CSMD1: variants seen among roughly 807,000 people sequenced by gnomAD.
CSMD1 encodes the protein CUB and Sushi multiple domains 1.
In CSMD1, 213 loss-of-function variants were observed where a neutral mutation model predicts 417.5. The observed-to-expected ratio is 0.51, with a 90% CI of 0.46 to 0.57. The LOEUF is 0.57. CSMD1 is among the 20% of genes least tolerant of loss of function. The pLI, the probability that CSMD1 is intolerant of heterozygous loss-of-function variation, is 0.00. For missense variants in CSMD1, 6,923 were observed against 4,529.7 expected (o/e 1.53, Z -15.17); for synonymous variants, 2,862 against 1,736.8 (o/e 1.65, Z -16.11).
chr8:3,144,575 G>C (rs1818719748), intron 40 of CSMD1, among the ~76,000 whole-genome samples: 1 of 152,000 alleles, frequency 6.6e-6, no homozygotes. Context: ...GACCTGTGAT[G>C]GTCTTGGCCA....
At chr8:4,225,570 C>T (rs1273336454) in intron 3 of CSMD1, among the ~76,000 whole-genome samples, 1 of 150,448 alleles carries the variant, frequency 6.6e-6, no homozygotes, top group African/African-American at 2.5e-5. Flanking sequence ...CTGTTAAGAG[C>T]CTAAATACAT....
chr8:4,488,125 C>G (rs1801506524), intron 2 of CSMD1, among the ~76,000 whole-genome samples: 3 of 152,126 alleles, frequency 2.0e-5, no homozygotes, highest in Admixed American at 2.0e-4. Flanking sequence ...CAGGGTCTCC[C>G]CAGACATCGA....
At chr8:3,751,431 TAC>T (rs890204352) in intron 6 of CSMD1, among the ~76,000 whole-genome samples, 30 of 148,014 alleles carry the variant, frequency 2.0e-4, no homozygotes, top group African/African-American at 6.4e-4. Flanking sequence ...TATAACTACA[TAC>T]AGTTTATACA....
rs370065890 is a variant in CSMD1 at position 4,825,490 on chromosome 8, A to T, written c.85+168842T>A. On this transcript the variant is annotated intron_variant, in intron 1 of 69. Coordinates refer to ENST00000635120, the MANE Select transcript of CSMD1 (RefSeq NM_033225.6). ...ATTGAAACTTTATACCTCTTGAAAG[A>T]TCGCCCGATTTTTCCTTCCCCTGGC... Among the ~76,000 whole-genome samples the T allele has an allele frequency of 2.2e-4, 33 of 152,188 alleles. 1 individual carries two copies. In the South Asian group the frequency reaches 3.7e-3, roughly 17 times the overall value.
chr8:3,058,749 T>C (rs1812400481), intron 49 of CSMD1, among the ~76,000 whole-genome samples: 1 of 151,754 alleles, frequency 6.6e-6, no homozygotes, highest in African/African-American at 2.4e-5. Context: ...GAGCAAGGAT[T>C]TAGACTATCC....
At chr8:4,661,393 G>A (rs1292015172) in intron 1 of CSMD1, among the ~76,000 whole-genome samples, 2 of 152,130 alleles carry the variant, frequency 1.3e-5, no homozygotes, top group Non-Finnish European at 2.9e-5. Context: ...ATCCTCAAAC[G>A]TTGTATGCTA....
At chr8:3,966,337 T>G (rs1812676706) in intron 5 of CSMD1, among the ~76,000 whole-genome samples, 1 of 152,154 alleles carries the variant, frequency 6.6e-6, no homozygotes, top group South Asian at 2.1e-4. Flanking sequence ...TCTTGCTCAG[T>G]CATCATTCAC....
At chr8:4,489,205 C>A (rs1801573819) in intron 2 of CSMD1, among the ~76,000 whole-genome samples, 2 of 152,322 alleles carry the variant, frequency 1.3e-5, no homozygotes, top group South Asian at 4.1e-4. Flanking sequence ...ACACACTGCA[C>A]CCAGTCTACT....
intron 42 of CSMD1, among the ~76,000 whole-genome samples, chr8:3,113,972 C>G (rs1453268829): frequency 6.6e-6 from 1 of 152,102 alleles, no homozygotes; most frequent in Admixed American, 6.6e-5. Context: ...AATTCCAGCA[C>G]TTTGGTAGGC....
At chr8:3,662,778 G>A (rs746004082) in intron 7 of CSMD1, among the ~76,000 whole-genome samples, 29 of 151,964 alleles carry the variant, frequency 1.9e-4, no homozygotes, top group Non-Finnish European at 3.4e-4. Flanking sequence ...TCATAAGTGG[G>A]GTTGAACAAT....
chr8:3,729,308 T>C (rs1203905993), intron 6 of CSMD1, among the ~76,000 whole-genome samples: 1 of 152,172 alleles, frequency 6.6e-6, no homozygotes, highest in African/African-American at 2.4e-5. Context: ...GCAGGGCAGA[T>C]GCTGTCTGAG....
In CSMD1 at chr8:4,780,221, C is replaced by G. The variant is rs1412532720; in HGVS notation, c.86-142663G>C. Among the ~76,000 whole-genome samples, 4 of 152,336 alleles carry G rather than the reference C, an allele frequency of 2.6e-5. No individual in the cohort carries two copies. The East Asian group carries it at 7.7e-4, about 29-fold the overall frequency. On this transcript the variant is annotated intron_variant, in intron 1 of 69. Transcript: ENST00000635120. Reference sequence around the variant, plus strand: ...GATTATGTGTAAAAATGCAAACAAACAAAACCTTTATTTATGACTGCCCTG... The same window carrying G: ...GATTATGTGTAAAAATGCAAACAAAGAAAACCTTTATTTATGACTGCCCTG...
intron 2 of CSMD1, among the ~76,000 whole-genome samples, chr8:4,611,734 A>G (rs542175804): frequency 4.6e-5 from 7 of 152,318 alleles, no homozygotes; most frequent in African/African-American, 1.4e-4. Context: ...ATAATTATAT[A>G]TTCTCATTTG....
intron 5 of CSMD1, among the ~76,000 whole-genome samples, chr8:3,835,647 C>T (rs1453917552): frequency 1.3e-5 from 2 of 150,616 alleles, no homozygotes; most frequent in Non-Finnish European, 2.9e-5. Flanking sequence ...ACCAACATGG[C>T]ACATGTATAC....
intron 51 of CSMD1, among the ~76,000 whole-genome samples, chr8:3,024,169 A>T (rs1162848866): frequency 6.6e-6 from 1 of 152,076 alleles, no homozygotes; most frequent in Non-Finnish European, 1.5e-5. Context: ...AAAGTAGGAA[A>T]CATGAGAGAT....
intron 2 of CSMD1, among the ~76,000 whole-genome samples, chr8:4,486,257 A>ATG (rs1801410274): frequency 4.8e-5 from 2 of 41,346 alleles, no homozygotes; most frequent in African/African-American, 1.7e-4. Context: ...ATACATATAT[A>ATG]TATATATATA....
At chr8:4,859,438 C>T (rs541465055) in intron 1 of CSMD1, among the ~76,000 whole-genome samples, 35 of 152,236 alleles carry the variant, frequency 2.3e-4, no homozygotes, top group African/African-American at 7.7e-4. Context: ...AGAGCTTCTG[C>T]ACAGCAAAAG....
chr8:4,025,528 G>T (rs184289158), intron 4 of CSMD1, among the ~76,000 whole-genome samples: 1 of 152,160 alleles, frequency 6.6e-6, no homozygotes, highest in African/African-American at 2.4e-5. Flanking sequence ...CTATCTAGCT[G>T]CTTCTTCTCT....
At chr8:4,344,619 C>G (rs942595403) in intron 3 of CSMD1, among the ~76,000 whole-genome samples, 3 of 151,544 alleles carry the variant, frequency 2.0e-5, no homozygotes, top group African/African-American at 4.8e-5. Flanking sequence ...TACACTACCG[C>G]TATGCTCAAA....
Sources: gnomAD v4.1 joint callset for allele counts (sites outside exome capture counted in the v4.1 genomes callset) on GRCh38, gnomAD v4.1.1 for gene constraint, MANE v1.5 for transcripts, NCBI Gene and HGNC (gene_info 2026-07-23, HGNC 2026-07-21) for gene names.